SLC24A2: variants seen among roughly 807,000 people sequenced by gnomAD.
SLC24A2 encodes solute carrier family 24 member 2.
In SLC24A2, 36 loss-of-function variants were observed where a neutral mutation model predicts 62.0. That is an observed-to-expected ratio of 0.58 (90% CI 0.44 to 0.77). SLC24A2 has a LOEUF of 0.77. Among genes scored for constraint, SLC24A2 ranks in the 30% least tolerant of loss-of-function variants. The pLI is 0.00. For synonymous variants in SLC24A2, 358 were observed against 294.0 expected, an observed-to-expected ratio of 1.22 and a Z score of -2.23; for missense variants, 846 against 817.9, an observed-to-expected ratio of 1.03 and a Z score of -0.42.
the SLC24A2 span, among the ~76,000 whole-genome samples, chr9:20,198,162 A>C: frequency 1.3e-5 from 2 of 152,228 alleles, no homozygotes; most frequent in Non-Finnish European, 1.5e-5. Context: ...ACACAGCTGC[A>C]GATGATGAGG....
At chr9:19,551,616 A>G (rs1457493288) in intron 7 of SLC24A2, among the ~76,000 whole-genome samples, 1 of 152,170 alleles carries the variant, frequency 6.6e-6, no homozygotes, top group East Asian at 1.9e-4. Context: ...TAACTTTAGA[A>G]AGCTCCTACC....
the SLC24A2 span, among the ~76,000 whole-genome samples, chr9:20,128,388 A>C: frequency 2.0e-5 from 3 of 152,196 alleles, no homozygotes; most frequent in African/African-American, 7.2e-5. Context: ...TTAAGATTCA[A>C]GTAAATAGAG....
rs1836779187 is a variant in SLC24A2, at chr9:19,599,097, T to C, written c.1079-1818A>G. Among the ~76,000 whole-genome samples, 1 of 152,246 alleles carries C rather than the reference T, an allele frequency of 6.6e-6. No homozygotes were observed. The highest frequency in any genetic ancestry group is 1.5e-5 in the Non-Finnish European group (1 of 68,042). On this transcript the variant is annotated intron_variant, in intron 4 of 10. Coordinates refer to ENST00000341998, the MANE Select transcript of SLC24A2 (RefSeq NM_020344.4). The surrounding 1 kb of genome is among the most constrained non-coding windows in gnomAD (Gnocchi z 4.5). ...AACCTCTGTATGCACACACTTATTT[T>C]CACATATCAATCCCAACTTTCAAAT...
chr9:19,884,345 T>G, the SLC24A2 span, among the ~76,000 whole-genome samples: 2 of 152,210 alleles, frequency 1.3e-5, no homozygotes, highest in African/African-American at 4.8e-5. Flanking sequence ...TGCTTGATGA[T>G]TACTGGATGA....
the SLC24A2 span, among the ~76,000 whole-genome samples, chr9:19,800,954 G>A: frequency 2.6e-5 from 4 of 152,206 alleles, no homozygotes; most frequent in South Asian, 8.3e-4. Flanking sequence ...AATAACCAGT[G>A]GTGAGTCTAC....
the SLC24A2 span, among the ~76,000 whole-genome samples, chr9:19,883,571 GTTT>G: frequency 6.8e-6 from 1 of 147,856 alleles, no homozygotes; most frequent in Non-Finnish European, 1.5e-5. Context: ...TCTGTACATT[GTTT>G]TTTTTTTTTG....
chr9:19,641,784 C>T (rs749390261), intron 2 of SLC24A2, among the ~76,000 whole-genome samples: 5 of 152,142 alleles, frequency 3.3e-5, no homozygotes, highest in Non-Finnish European at 7.4e-5. Context: ...TATGTCTATT[C>T]CCAAACCTGT....
the SLC24A2 span, among the ~76,000 whole-genome samples, chr9:20,208,827 C>A: frequency 6.6e-6 from 1 of 152,124 alleles, no homozygotes; most frequent in South Asian, 2.1e-4. Context: ...TTAATGGCTG[C>A]CTCCAGAAAC....
chr9:19,706,902 A>G (rs1407925502), intron 2 of SLC24A2, among the ~76,000 whole-genome samples: 3 of 151,892 alleles, frequency 2.0e-5, no homozygotes, highest in Non-Finnish European at 4.4e-5. Context: ...AAATAACTAA[A>G]ATCAGAGCAG....
chr9:20,178,365 G>C, the SLC24A2 span, among the ~76,000 whole-genome samples: 2 of 152,110 alleles, frequency 1.3e-5, no homozygotes, highest in African/African-American at 4.8e-5. Flanking sequence ...TGTGCAAAGG[G>C]CTTTATTATT....
At chr9:19,762,407 G>A (rs1018092425) in intron 2 of SLC24A2, among the ~76,000 whole-genome samples, 1 of 152,172 alleles carries the variant, frequency 6.6e-6, no homozygotes, top group Non-Finnish European at 1.5e-5. Flanking sequence ...GAATGGTATT[G>A]CCTAGGTTTT....
At chr9:19,871,226 A>T in the SLC24A2 span, among the ~76,000 whole-genome samples, 1 of 152,104 alleles carries the variant, frequency 6.6e-6, no homozygotes, top group African/African-American at 2.4e-5. Flanking sequence ...TCTGACAATA[A>T]GTTATCCGTT....
the SLC24A2 span, among the ~76,000 whole-genome samples, chr9:20,157,353 A>G: frequency 1.3e-5 from 2 of 151,684 alleles, no homozygotes; most frequent in Non-Finnish European, 3.0e-5. Flanking sequence ...TAATTTTAAA[A>G]TTTCTACAGA....
the SLC24A2 span, among the ~76,000 whole-genome samples, chr9:19,838,650 G>GA: frequency 5.7e-5 from 8 of 140,532 alleles, no homozygotes; most frequent in African/African-American, 7.9e-5. Flanking sequence ...AAAAAAAAAA[G>GA]AAAAAAAAAA....
intron 7 of SLC24A2, among the ~76,000 whole-genome samples, chr9:19,571,855 A>T (rs1015820883): frequency 6.6e-5 from 10 of 152,148 alleles, no homozygotes; most frequent in Admixed American, 3.3e-4. Context: ...TGTTCTAGAG[A>T]GAGTGGTGGA....
chr9:19,669,066 A>G (rs1819338986), intron 2 of SLC24A2, among the ~76,000 whole-genome samples: 2 of 152,184 alleles, frequency 1.3e-5, no homozygotes, highest in African/African-American at 4.8e-5. Context: ...TATTTGGCTA[A>G]ATTGTATTTA....
At chr9:19,723,658 G>A (rs1821091530) in intron 2 of SLC24A2, among the ~76,000 whole-genome samples, 1 of 152,082 alleles carries the variant, frequency 6.6e-6, no homozygotes, top group Non-Finnish European at 1.5e-5. Context: ...AGTTGAATCA[G>A]ATATGGACAT....
chr9:20,047,458 TAGTC>T, the SLC24A2 span, among the ~76,000 whole-genome samples: 2 of 151,382 alleles, frequency 1.3e-5, no homozygotes, highest in Non-Finnish European at 3.0e-5. Context: ...AGCAGTATCT[TAGTC>T]AGTTTGGGGT....
the SLC24A2 span, among the ~76,000 whole-genome samples, chr9:19,989,463 T>G: frequency 2.6e-5 from 4 of 152,216 alleles, no homozygotes; most frequent in Non-Finnish European, 5.9e-5. Context: ...ATAAAGAATG[T>G]CAGTTATGAC....
Sources: allele counts gnomAD v4.1 joint callset (sites outside exome capture counted in the v4.1 genomes callset), GRCh38; gene constraint gnomAD v4.1.1; non-coding constraint Gnocchi (gnomAD v3.1); transcripts MANE v1.5; gene names NCBI Gene and HGNC (gene_info 2026-07-23, HGNC 2026-07-21).